The following TRPC5 variants were observed in gnomAD, a reference collection of about 807,000 sequenced individuals.
TRPC5 encodes the protein short transient receptor potential channel 5.
Under a neutral mutation model 56.5 loss-of-function variants are expected in TRPC5, and 9 were observed. That is an observed-to-expected ratio of 0.16 (90% CI 0.10 to 0.28). The LOEUF (loss-of-function observed/expected upper bound fraction) is 0.28. TRPC5 is among the 10% of genes least tolerant of loss of function. The pLI is 1.00. For missense variants in TRPC5, 469 were observed against 748.9 expected, an observed-to-expected ratio of 0.63 and a Z score of 4.36; for synonymous variants, 282 against 278.5, an observed-to-expected ratio of 1.01 and a Z score of -0.13.
rs1945837232 is a variant in TRPC5, at chrX:111,770,549, C to CA, written c.*5763dup. ...GGTTATTCATCTCAATTTGGCCATC[C>CA]AAAAAACTGACAATTTGGTGGTTTA... On this transcript the variant is annotated 3_prime_UTR_variant, in exon 11 of 11. Transcript: ENST00000262839. 1.8e-5 allele frequency among the ~76,000 whole-genome samples: 2 copies of CA among 111,589 alleles called. No individual in the cohort carries two copies. The highest frequency in any genetic ancestry group is 1.9e-4 in the Admixed American group (2 of 10,453).
chrX:112,060,560 G>T (rs1930436904), intron 1 of TRPC5, among the ~76,000 whole-genome samples: 1 of 111,761 alleles, frequency 8.9e-6, no homozygotes, highest in Admixed American at 9.5e-5. Flanking sequence ...GTTATCTGAG[G>T]TTCTTTGTCA....
chrX:111,970,392 T>C (rs747886479), intron 1 of TRPC5, among the ~76,000 whole-genome samples: 2 of 111,725 alleles, frequency 1.8e-5, no homozygotes, highest in African/African-American at 6.5e-5. Context: ...TTCTGCTGAG[T>C]ACTCCCTTAT....
chrX:111,788,617 T>C (rs775834905), intron 7 of TRPC5, among the ~76,000 whole-genome samples: 47 of 111,558 alleles, frequency 4.2e-4, no homozygotes, highest in African/African-American at 1.4e-3. Flanking sequence ...AATGAGGAAG[T>C]CAAATTGTCC....
intron 1 of TRPC5, among the ~76,000 whole-genome samples, chrX:112,005,719 T>C (rs908799046): frequency 9.0e-6 from 1 of 111,125 alleles, no homozygotes; most frequent in Non-Finnish European, 1.9e-5. Flanking sequence ...AAAGGACCCA[T>C]GCAAAAAGCT....
chrX:111,839,588 G>C (rs966320857), intron 6 of TRPC5, among the ~76,000 whole-genome samples: 1 of 111,958 alleles, frequency 8.9e-6, no homozygotes, highest in Non-Finnish European at 1.9e-5. Flanking sequence ...CAAAGGGTTG[G>C]TTCCAGGACC....
intron 1 of TRPC5, among the ~76,000 whole-genome samples, chrX:112,017,332 C>T (rs1929155628): frequency 9.0e-6 from 1 of 111,037 alleles, no homozygotes; most frequent in South Asian, 3.8e-4. Flanking sequence ...ACTACTTTTA[C>T]AGAGGAAGAG....
chrX:111,868,046 GTAA>G (rs1569526865), intron 3 of TRPC5, among the ~76,000 whole-genome samples: 1 of 112,261 alleles, frequency 8.9e-6, no homozygotes, highest in African/African-American at 3.2e-5. Flanking sequence ...AGGTTAAATA[GTAA>G]TAATAACAAC....
At chrX:112,023,234 GTTTTTTTTTTTGTTTTTTTTTTT>G (rs1470324615) in intron 1 of TRPC5, among the ~76,000 whole-genome samples, 2 of 45,960 alleles carry the variant, frequency 4.4e-5, no homozygotes, top group African/African-American at 1.6e-4. Flanking sequence ...GCGCCCAGCA[GTTTTTTTTTTTGTTTTTTTTTTT>G]TTTTTTTTTT....
At chrX:111,952,815 A>G (rs755785142) in intron 1 of TRPC5, among the ~76,000 whole-genome samples, 1 of 111,849 alleles carries the variant, frequency 8.9e-6, no homozygotes, top group South Asian at 3.8e-4. Context: ...TTCCTACCTC[A>G]TAAAGCTATT....
chrX:111,915,611 T>A (rs1925952045), intron 2 of TRPC5, among the ~76,000 whole-genome samples: 1 of 111,570 alleles, frequency 9.0e-6, no homozygotes, highest in African/African-American at 3.3e-5. Flanking sequence ...TGCAAGAAAA[T>A]CACTTTTCTG....
intron 1 of TRPC5, among the ~76,000 whole-genome samples, chrX:112,077,747 A>G (rs1012327146): frequency 8.9e-6 from 1 of 112,315 alleles, no homozygotes; most frequent in African/African-American, 3.2e-5. Flanking sequence ...AAAATAAATT[A>G]GGGTGGGATT....
intron 3 of TRPC5, among the ~76,000 whole-genome samples, chrX:111,890,095 T>C (rs1464806076): frequency 8.9e-6 from 1 of 111,797 alleles, no homozygotes; most frequent in Admixed American, 9.5e-5. Flanking sequence ...ATCAAAAATA[T>C]TTTTAAAATA....
At chrX:111,963,259 G>A (rs1472696226) in intron 1 of TRPC5, among the ~76,000 whole-genome samples, 2 of 112,451 alleles carry the variant, frequency 1.8e-5, no homozygotes, top group African/African-American at 6.4e-5. Flanking sequence ...ACTGCAAGGT[G>A]GCAGTGAGGC....
intron 2 of TRPC5, among the ~76,000 whole-genome samples, chrX:111,935,705 A>C (rs765855664): frequency 8.9e-6 from 1 of 112,212 alleles, no homozygotes; most frequent in South Asian, 3.7e-4. Flanking sequence ...CAGTTATCTC[A>C]GTGCCATTTA....
chrX:111,901,955 G>A (rs1005375795), intron 3 of TRPC5: 89 of 1,153,180 alleles, frequency 7.7e-5, no homozygotes, highest in Non-Finnish European at 9.5e-5. Flanking sequence ...ACAAGTACAA[G>A]AAGTTCCTTA....
At chrX:111,988,476 T>G (rs2148655033) in intron 1 of TRPC5, among the ~76,000 whole-genome samples, 1 of 110,636 alleles carries the variant, frequency 9.0e-6, no homozygotes, top group Non-Finnish European at 1.9e-5. Flanking sequence ...GACACAAATT[T>G]ACCCTTGTAC....
At position 112,026,626 on chromosome X, in the gene TRPC5, A is replaced by G. The variant is rs190640339; in HGVS notation, c.-22+55253T>C. Among the ~76,000 whole-genome samples the G allele has an allele frequency of 3.9e-3, 432 of 111,669 alleles. 1 individual carries two copies. The highest frequency in any genetic ancestry group is 0.014 in the Middle Eastern group (3 of 215). ...ATGGAACCCTAAAAAATTCTACCAA[A>G]AAGTACGAAAACCACTGGACTAGAT... On this transcript the variant is annotated intron_variant, in intron 1 of 10. Coordinates refer to ENST00000262839, the MANE Select transcript of TRPC5 (RefSeq NM_012471.3).
intron 1 of TRPC5, among the ~76,000 whole-genome samples, chrX:111,953,755 A>T (rs1189278167): frequency 8.9e-6 from 1 of 112,485 alleles, no homozygotes; most frequent in Non-Finnish European, 1.9e-5. Flanking sequence ...GCTTCCACCA[A>T]CATTTACCTC....
intron 1 of TRPC5, among the ~76,000 whole-genome samples, chrX:112,048,238 G>T (rs1930109306): frequency 9.0e-6 from 1 of 111,045 alleles, no homozygotes; most frequent in Non-Finnish European, 1.9e-5. Context: ...ATAAAAGGGA[G>T]GGGAATACAA....
Sources: allele counts gnomAD v4.1 joint callset (sites outside exome capture counted in the v4.1 genomes callset), GRCh38; gene constraint gnomAD v4.1.1; transcripts MANE v1.5; gene names NCBI Gene and HGNC (gene_info 2026-07-23, HGNC 2026-07-21).